The following PDE1C variants were observed in gnomAD, a reference collection of about 807,000 sequenced individuals.
PDE1C encodes dual specificity calcium/calmodulin-dependent 3',5'-cyclic nucleotide phosphodiesterase 1C.
PDE1C carries 62 observed loss-of-function variants against 93.1 expected under a neutral mutation model. That is an observed-to-expected ratio of 0.67 (90% confidence interval 0.54 to 0.82). The LOEUF is 0.82. Among genes scored for constraint, PDE1C ranks in the 40% least tolerant of loss-of-function variants. The pLI, the probability that PDE1C is intolerant of heterozygous loss-of-function variation, is 0.00. For synonymous variants in PDE1C, 325 were observed against 310.1 expected (o/e 1.05, Z -0.50); for missense variants, 742 against 884.6 (o/e 0.84, Z 2.04).
intron 2 of PDE1C, among the ~76,000 whole-genome samples, chr7:32,011,591 T>A (rs1455095349): frequency 6.6e-6 from 1 of 152,144 alleles, no homozygotes; most frequent in East Asian, 1.9e-4. Flanking sequence ...CTCAACATCA[T>A]TAGATGTTGC....
At chr7:32,416,216 C>T (rs531270932) in intron 1 of PDE1C, among the ~76,000 whole-genome samples, 5 of 152,338 alleles carry the variant, frequency 3.3e-5, no homozygotes, top group African/African-American at 7.2e-5. Flanking sequence ...CATCTAAGGT[C>T]GGAGAGTCCT....
At chr7:32,063,753 T>C (rs1021873946) in intron 1 of PDE1C, among the ~76,000 whole-genome samples, 2 of 152,314 alleles carry the variant, frequency 1.3e-5, no homozygotes, top group East Asian at 1.9e-4. Flanking sequence ...TCGAAAACAA[T>C]CCTTCAAACA....
chr7:31,771,552 G>T (rs1795489175), intron 17 of PDE1C, among the ~76,000 whole-genome samples: 1 of 152,034 alleles, frequency 6.6e-6, no homozygotes, highest in African/African-American at 2.4e-5. Flanking sequence ...GGCCATTTTT[G>T]AATTGGGTTT....
chr7:32,211,947 G>T (rs1019597621), intron 1 of PDE1C, among the ~76,000 whole-genome samples: 10 of 148,320 alleles, frequency 6.7e-5, no homozygotes, highest in South Asian at 2.1e-4. Flanking sequence ...GATCACTTGA[G>T]CCCAGGAGGT....
At chr7:32,337,728 A>AG (rs35363543) in intron 1 of PDE1C, among the ~76,000 whole-genome samples, 80,471 of 151,508 alleles carry the variant, frequency 0.53, 24,744 homozygotes, top group Admixed American at 0.68. Context: ...AAGGGAAAGG[A>AG]GGGGGGAGAA....
chr7:32,340,415 C>T (rs539254971), intron 1 of PDE1C, among the ~76,000 whole-genome samples: 1 of 152,212 alleles, frequency 6.6e-6, no homozygotes, highest in East Asian at 1.9e-4. Context: ...CAGACTCTCA[C>T]TGTGAGGAGC....
chr7:32,311,051 T>C (rs1430971020), intron 1 of PDE1C, among the ~76,000 whole-genome samples: 1 of 152,018 alleles, frequency 6.6e-6, no homozygotes, highest in East Asian at 1.9e-4. Flanking sequence ...ATAGACGCAA[T>C]AAAAAATGAT....
At chr7:32,285,395 G>C (rs771912854) in intron 1 of PDE1C, among the ~76,000 whole-genome samples, 1 of 152,148 alleles carries the variant, frequency 6.6e-6, no homozygotes, top group African/African-American at 2.4e-5. Context: ...ACAAAGACAT[G>C]TATGTAAATA....
intron 11 of PDE1C, among the ~76,000 whole-genome samples, chr7:31,833,886 G>C (rs937972099): frequency 6.6e-6 from 1 of 152,212 alleles, no homozygotes; most frequent in Non-Finnish European, 1.5e-5. Context: ...AAGTAACAAG[G>C]AGCCAAGACA....
intron 16 of PDE1C, among the ~76,000 whole-genome samples, chr7:31,782,362 G>A (rs923270366): frequency 6.6e-6 from 1 of 152,192 alleles, no homozygotes; most frequent in Non-Finnish European, 1.5e-5. Flanking sequence ...TTAATTGTTG[G>A]ATGGGGTATT....
intron 2 of PDE1C, among the ~76,000 whole-genome samples, chr7:32,196,402 T>C (rs184453490): frequency 5.9e-4 from 90 of 152,264 alleles, no homozygotes; most frequent in African/African-American, 2.1e-3. Context: ...GTACCTGTTG[T>C]CATTTCCAGG....
rs112920036 is a variant in PDE1C, at chr7:31,898,088, A to G, written c.129-17228T>C. Among the ~76,000 whole-genome samples the G allele has an allele frequency of 5.8e-3, 881 of 151,938 alleles. 3 individuals carry two copies. The highest frequency in any genetic ancestry group is 0.02 in the African/African-American group (842 of 41,448). ...TACTATACTGAAAAATGTGAGATAC[A>G]AATAAAGTTTTAATTCATGTTCTTT... On this transcript the variant is annotated intron_variant, in intron 2 of 17. Transcript: ENST00000396191.
At chr7:32,056,591 T>C (rs1794140943) in intron 1 of PDE1C, among the ~76,000 whole-genome samples, 1 of 152,164 alleles carries the variant, frequency 6.6e-6, no homozygotes. Flanking sequence ...GTAACAGCAG[T>C]GCCTGCTTTA....
chr7:32,365,521 A>G (rs1784213570), intron 1 of PDE1C, among the ~76,000 whole-genome samples: 2 of 152,186 alleles, frequency 1.3e-5, no homozygotes, highest in Admixed American at 6.5e-5. Flanking sequence ...GAAGATATGC[A>G]ACCATATCCT....
intron 16 of PDE1C, among the ~76,000 whole-genome samples, chr7:31,798,446 T>A (rs998187695): frequency 1.3e-5 from 2 of 151,734 alleles, no homozygotes; most frequent in African/African-American, 4.8e-5. Flanking sequence ...AAATGATGAA[T>A]GGCAAAGTAA....
intron 17 of PDE1C, among the ~76,000 whole-genome samples, chr7:31,757,828 C>T (rs1794565916): frequency 6.6e-6 from 1 of 152,158 alleles, no homozygotes; most frequent in Non-Finnish European, 1.5e-5. Context: ...AATCATGCTG[C>T]TATAAAGACA....
chr7:31,828,314 A>C lies in PDE1C; in HGVS notation c.1263T>G (p.Thr421=). 1 of 1,612,612 alleles carries C rather than the reference A, an allele frequency of 6.2e-7. No homozygotes were observed. Among genetic ancestry groups the C allele is most frequent in the Non-Finnish European group, 8.5e-7 (1 of 1,178,924 alleles). The change falls in exon 12 of 18, where the codon ACT becomes ACG. Residue 421 remains threonine (T), a synonymous_variant. Coordinates refer to ENST00000396191, the MANE Select transcript of PDE1C (RefSeq NM_001191057.4). ...PFSPLCDRKS[T]MVAQSQVGFI... ...TACCTACTTGTGACTGAGCAACCAT[A>C]GTGGACTTTCGGTCACACAGAGGAG...
the PDE1C span, among the ~76,000 whole-genome samples, chr7:31,719,517 T>TG: frequency 2.0e-5 from 3 of 152,204 alleles, no homozygotes; most frequent in Non-Finnish European, 4.4e-5. Flanking sequence ...CTCTTTACCC[T>TG]GGTCAATGCT....
Position 31,912,550 on chromosome 7 carries a change from G to T in PDE1C, c.129-31690C>A, listed in dbSNP as rs116331165. On this transcript the variant is annotated intron_variant, in intron 2 of 17. Transcript: ENST00000396191. ...AAAATACAAAAAATGAGCCAGGTGT[G>T]GTGGTGCACAGCTGTAGTCCTAACT... Among the ~76,000 whole-genome samples, 944 of 152,156 alleles carry T rather than the reference G, an allele frequency of 6.2e-3. 11 individuals carry two copies. The highest frequency in any genetic ancestry group is 0.022 in the African/African-American group (897 of 41,512).
Sources: gnomAD v4.1 joint callset for allele counts (sites outside exome capture counted in the v4.1 genomes callset) on GRCh38, gnomAD v4.1.1 for gene constraint, MANE v1.5 for transcripts, NCBI Gene and HGNC (gene_info 2026-07-23, HGNC 2026-07-21) for gene names.